Variants in STAG2 observed in about 807,000 individuals in gnomAD.
STAG2 encodes the protein cohesin subunit SA-2.
A neutral mutation model predicts 108.1 loss-of-function variants in STAG2; 14 were observed. The ratio of observed to expected loss-of-function variants is 0.13; its 90% CI spans 0.09 to 0.20. The LOEUF (loss-of-function observed/expected upper bound fraction) is 0.20, where lower values mean the gene tolerates loss of function less well. STAG2 is among the 10% of genes least tolerant of loss of function. STAG2 has a pLI of 1.00. For missense variants in STAG2, 440 were observed against 940.9 expected (o/e 0.47, Z 6.96); for synonymous variants, 307 against 302.7 (o/e 1.01, Z -0.15).
At chrX:124,009,418 GGT>G (rs1569501775) in intron 1 of STAG2, among the ~76,000 whole-genome samples, 9 of 79,435 alleles carry the variant, frequency 1.1e-4, no homozygotes, top group South Asian at 7.5e-4. Flanking sequence ...TAGGTAGGTA[GGT>G]AGGTAGGTAG....
intron 1 of STAG2, among the ~76,000 whole-genome samples, chrX:123,987,580 G>A (rs2055258893): frequency 1.8e-5 from 2 of 111,987 alleles, no homozygotes; most frequent in South Asian, 7.3e-4. Flanking sequence ...ATATCTCCCT[G>A]TGTTTCCCAG....
At chrX:123,997,500 A>G (rs950380442) in intron 1 of STAG2, among the ~76,000 whole-genome samples, 4 of 112,198 alleles carry the variant, frequency 3.6e-5, no homozygotes, top group Non-Finnish European at 7.5e-5. Context: ...GCAAACCACC[A>G]TTCTACTTTG....
At chrX:124,034,408 T>C (rs2057441918) in intron 5 of STAG2, among the ~76,000 whole-genome samples, 1 of 111,821 alleles carries the variant, frequency 8.9e-6, no homozygotes, top group Non-Finnish European at 1.9e-5. Context: ...TCCTGGAATC[T>C]TTTCAACAAT....
intron 34 of STAG2, among the ~76,000 whole-genome samples, chrX:124,099,329 G>A (rs1028700788): frequency 8.1e-5 from 9 of 111,392 alleles, no homozygotes; most frequent in Non-Finnish European, 1.3e-4. Flanking sequence ...CTTTTCTACC[G>A]AGATTCATAG....
intron 6 of STAG2, among the ~76,000 whole-genome samples, chrX:124,041,521 C>T (rs2057719005): frequency 9.0e-6 from 1 of 111,176 alleles, no homozygotes; most frequent in Non-Finnish European, 1.9e-5. Flanking sequence ...TTATAAATCT[C>T]ATCTTCTTGT....
intron 1 of STAG2, among the ~76,000 whole-genome samples, chrX:123,977,581 GA>G (rs1176191621): frequency 9.0e-6 from 1 of 111,235 alleles, no homozygotes; most frequent in Non-Finnish European, 1.9e-5. Flanking sequence ...GTGAGGCACT[GA>G]AATAGAAGTG....
chrX:124,041,436 C>T (rs886871122), intron 6 of STAG2, among the ~76,000 whole-genome samples: 2 of 109,826 alleles, frequency 1.8e-5, no homozygotes, highest in African/African-American at 6.6e-5. Flanking sequence ...CGCGCACACA[C>T]ACAGATGCAT....
At chrX:124,090,189 T>G (rs890254575) in intron 30 of STAG2, among the ~76,000 whole-genome samples, 11 of 70,578 alleles carry the variant, frequency 1.6e-4, no homozygotes, top group Admixed American at 3.1e-4. Flanking sequence ...AAAAAAAAGG[T>G]TTAGTCCTTG....
chrX:124,056,324 A>G, intron 14 of STAG2, 89 bp downstream of exon 14: 1 of 462,510 alleles, frequency 2.2e-6, no homozygotes, highest in Non-Finnish European at 3.3e-6. Flanking sequence ...GATTATATAT[A>G]TATAACTTAT....
intron 1 of STAG2, among the ~76,000 whole-genome samples, chrX:124,005,666 A>G (rs1199232447): frequency 1.8e-5 from 2 of 111,630 alleles, no homozygotes; most frequent in Non-Finnish European, 3.8e-5. Context: ...ATTTCTTTCT[A>G]TTACTGAGAT....
intron 1 of STAG2, among the ~76,000 whole-genome samples, chrX:124,001,336 C>T (rs764288435): frequency 1.8e-5 from 2 of 111,572 alleles, no homozygotes; most frequent in Non-Finnish European, 3.8e-5. Flanking sequence ...TTGATCCATC[C>T]GCCTCGGCCT....
At position 124,083,677 on chromosome X, in the gene STAG2, A is replaced by G. The variant is rs75515623; in HGVS notation, c.3053+128A>G. ...ATTGCATTAATACACAAAAAAGTTT[A>G]TACTTCAGCAACTTTATAATTTAAG... On this transcript the variant is annotated intron_variant, in intron 29 of 34. Transcript: ENST00000371145. 20,954 of 438,547 alleles carry G rather than the reference A, an allele frequency of 0.048. 424 individuals carry two copies. Among genetic ancestry groups the G allele is most frequent in the Non-Finnish European group, 0.058 (16,189 of 279,422 alleles). The allele number at this position is 438,547 out of a possible 1,213,427, so 36.1% of individuals were successfully genotyped here.
At chrX:124,032,348 G>A (rs2057372758) in intron 5 of STAG2, among the ~76,000 whole-genome samples, 1 of 112,062 alleles carries the variant, frequency 8.9e-6, no homozygotes, top group African/African-American at 3.2e-5. Flanking sequence ...ATACTTTTAT[G>A]ACAATAGAAG....
intron 1 of STAG2, among the ~76,000 whole-genome samples, chrX:123,994,615 G>A (rs897813267): frequency 1.8e-5 from 2 of 111,883 alleles, no homozygotes; most frequent in Non-Finnish European, 3.8e-5. Flanking sequence ...GTTTCTATGT[G>A]ATAGTTTTAG....
At chrX:124,057,737 A>G (rs1030182341) in intron 14 of STAG2, 129 bp from the exon 15 acceptor site, 1 of 368,652 alleles carries the variant, frequency 2.7e-6, no homozygotes, top group Admixed American at 5.4e-5. Flanking sequence ...GTTGGATGAT[A>G]TTGTACCTAC....
intron 5 of STAG2, among the ~76,000 whole-genome samples, chrX:124,033,762 A>G (rs187133244): frequency 1.8e-5 from 2 of 111,682 alleles, no homozygotes; most frequent in Admixed American, 1.9e-4. Flanking sequence ...AACCCTGTCT[A>G]AAAAAACAAA....
At chrX:123,967,501 G>C (rs2054160062) in intron 1 of STAG2, among the ~76,000 whole-genome samples, 1 of 110,789 alleles carries the variant, frequency 9.0e-6, no homozygotes, top group Non-Finnish European at 1.9e-5. Flanking sequence ...CCCGACCTCA[G>C]GTGATCTGCC....
chrX:124,039,167 A>ATTATTG (rs2057618307), intron 6 of STAG2, among the ~76,000 whole-genome samples: 1 of 105,486 alleles, frequency 9.5e-6, no homozygotes. Context: ...TATTATTATT[A>ATTATTG]TTTTATGAGA....
intron 27 of STAG2, 120 bp downstream of exon 27, chrX:124,078,178 A>G: frequency 4.0e-6 from 2 of 497,510 alleles, no homozygotes; most frequent in Admixed American, 4.3e-5. Context: ...TAGAAATACA[A>G]GAAAGTATAA....
Sources: gnomAD v4.1 joint callset for allele counts (sites outside exome capture counted in the v4.1 genomes callset) on GRCh38, gnomAD v4.1.1 for gene constraint, MANE v1.5 for transcripts, NCBI Gene and HGNC (gene_info 2026-07-23, HGNC 2026-07-21) for gene names.